The following WDR7 variants were observed in gnomAD, a reference collection of about 807,000 sequenced individuals.
The protein encoded by WDR7 is WD repeat-containing protein 7.
WDR7 carries 46 observed loss-of-function variants against 169.4 expected under a neutral mutation model. That is an observed-to-expected ratio of 0.27 (90% CI 0.21 to 0.35). WDR7 has a LOEUF of 0.35. Among genes scored for constraint, WDR7 ranks in the 10% least tolerant of loss-of-function variants. The probability of loss-of-function intolerance (pLI) is 1.00; values close to 1 mark genes in which losing one functional copy is unlikely to be tolerated. For missense variants in WDR7, 1,534 were observed against 1,859.3 expected, an observed-to-expected ratio of 0.83 and a Z score of 3.22; for synonymous variants, 612 against 666.8, an observed-to-expected ratio of 0.92 and a Z score of 1.27.
chr18:56,657,261 G>A (rs1270398740), intron 1 of WDR7, among the ~76,000 whole-genome samples: 8 of 151,494 alleles, frequency 5.3e-5, no homozygotes, highest in South Asian at 4.2e-4. Flanking sequence ...AAGTTCAAGC[G>A]TTTCTCCTGC....
chr18:56,956,321 T>A (rs943493399), intron 25 of WDR7, among the ~76,000 whole-genome samples: 4 of 152,096 alleles, frequency 2.6e-5, no homozygotes, highest in Non-Finnish European at 5.9e-5. Context: ...CACCTTGATG[T>A]CTATGAACCT....
At chr18:56,696,581 C>A (rs1301358058) in intron 12 of WDR7, 119 bp downstream of exon 12, 4 of 898,948 alleles carry the variant, frequency 4.4e-6, no homozygotes, top group Non-Finnish European at 6.5e-6. Context: ...ATTAAGAAAA[C>A]CCTTTCAATT....
intron 14 of WDR7, among the ~76,000 whole-genome samples, chr18:56,746,635 CAG>C (rs2043708357): frequency 6.6e-6 from 1 of 152,174 alleles, no homozygotes; most frequent in Non-Finnish European, 1.5e-5. Context: ...CCAGATCAGA[CAG>C]GGGCAGTTGG....
chr18:56,993,754 T>C (rs1446497340), intron 26 of WDR7, among the ~76,000 whole-genome samples: 1 of 152,132 alleles, frequency 6.6e-6, no homozygotes, highest in Non-Finnish European at 1.5e-5. Flanking sequence ...TCCGAATTTA[T>C]AGGAAACCCC....
intron 16 of WDR7, among the ~76,000 whole-genome samples, chr18:56,774,953 C>G (rs992360283): frequency 6.6e-6 from 1 of 151,912 alleles, no homozygotes; most frequent in Non-Finnish European, 1.5e-5. Flanking sequence ...TATCGAGAAT[C>G]TGTTTTTTTC....
chr18:56,744,704 T>A (rs1290999833), intron 14 of WDR7, among the ~76,000 whole-genome samples: 1 of 151,974 alleles, frequency 6.6e-6, no homozygotes, highest in Non-Finnish European at 1.5e-5. Context: ...GGCACCTGGC[T>A]CCTACACGAG....
At chr18:57,023,444 G>C (rs192015217) in intron 27 of WDR7, among the ~76,000 whole-genome samples, 58 of 152,338 alleles carry the variant, frequency 3.8e-4, no homozygotes, top group Admixed American at 2.9e-3. Context: ...AATTACTCAA[G>C]TGAGACTTAG....
intron 20 of WDR7, among the ~76,000 whole-genome samples, chr18:56,838,033 T>C (rs983517030): frequency 1.3e-5 from 2 of 152,160 alleles, no homozygotes; most frequent in African/African-American, 4.8e-5. Context: ...GACAGAATTC[T>C]GAGATATTTA....
intron 12 of WDR7, among the ~76,000 whole-genome samples, chr18:56,696,675 G>A (rs928950105): frequency 6.6e-6 from 1 of 152,102 alleles, no homozygotes; most frequent in African/African-American, 2.4e-5. Flanking sequence ...GAGACATAGT[G>A]TTTTTTTACT....
intron 2 of WDR7, among the ~76,000 whole-genome samples, chr18:56,673,160 GACACACACACAC>G (rs36051303): frequency 9.5e-5 from 14 of 147,028 alleles, no homozygotes; most frequent in African/African-American, 2.5e-4. Context: ...AGGAGCTGGG[GACACACACACAC>G]ACACACACAC....
At chr18:56,752,798 T>C (rs1181675065) in intron 14 of WDR7, among the ~76,000 whole-genome samples, 2 of 152,152 alleles carry the variant, frequency 1.3e-5, no homozygotes, top group African/African-American at 4.8e-5. Context: ...TTGTAAGTAA[T>C]TTTCAGAAGA....
chr18:57,019,192 C>G (rs1399757109), intron 26 of WDR7, among the ~76,000 whole-genome samples: 2 of 152,120 alleles, frequency 1.3e-5, no homozygotes, highest in Non-Finnish European at 2.9e-5. Flanking sequence ...AGTTATATGA[C>G]TGTTTATATG....
chr18:56,833,901 A>G (rs937707773), intron 20 of WDR7, among the ~76,000 whole-genome samples: 3 of 152,190 alleles, frequency 2.0e-5, no homozygotes, highest in African/African-American at 7.2e-5. Flanking sequence ...ACCCACATTT[A>G]TTATCTCATA....
chr18:56,685,881 CA>C, intron 5 of WDR7, 74 bp from the exon 6 acceptor site: 2 of 1,180,900 alleles, frequency 1.7e-6, no homozygotes, highest in Admixed American at 2.5e-5. Flanking sequence ...TTTATTCAAG[CA>C]AAACATCTTA....
intron 22 of WDR7, among the ~76,000 whole-genome samples, chr18:56,932,995 A>C (rs1362785482): frequency 6.6e-6 from 1 of 152,132 alleles, no homozygotes; most frequent in Non-Finnish European, 1.5e-5. Flanking sequence ...CTTAGAGGTA[A>C]TGGTGAGTTT....
chr18:56,679,278 AG>A (rs1395789656), intron 2 of WDR7, 53 bp from the exon 3 acceptor site: 2 of 1,458,982 alleles, frequency 1.4e-6, no homozygotes, highest in Non-Finnish European at 1.9e-6. Flanking sequence ...ACACTCAAAT[AG>A]AAGGTTAATT....
intron 1 of WDR7, among the ~76,000 whole-genome samples, chr18:56,667,140 T>C (rs1444094763): frequency 1.3e-5 from 2 of 152,162 alleles, no homozygotes; most frequent in East Asian, 1.9e-4. Context: ...GTCATTGCAC[T>C]CTCTTTCCTT....
chr18:56,996,997 G>A (rs535403940), intron 26 of WDR7, among the ~76,000 whole-genome samples: 26 of 152,202 alleles, frequency 1.7e-4, no homozygotes, highest in African/African-American at 6.3e-4. Flanking sequence ...TACAAAAGGA[G>A]TAACAAAGAA....
At chr18:56,855,803 A>G (rs1178168752) in intron 20 of WDR7, among the ~76,000 whole-genome samples, 1 of 152,100 alleles carries the variant, frequency 6.6e-6, no homozygotes, top group Non-Finnish European at 1.5e-5. Flanking sequence ...TCTCTAATAC[A>G]TTTTGTAGAT....
Sources: allele counts gnomAD v4.1 joint callset (sites outside exome capture counted in the v4.1 genomes callset), GRCh38; gene constraint gnomAD v4.1.1; transcripts MANE v1.5; gene names NCBI Gene and HGNC (gene_info 2026-07-23, HGNC 2026-07-21).